FGGY: variants seen among roughly 807,000 people sequenced by gnomAD.
FGGY encodes FGGY carbohydrate kinase domain containing.
FGGY carries 72 observed loss-of-function variants against 71.3 expected under a neutral mutation model. The observed-to-expected ratio is 1.01, with a 90% CI of 0.84 to 1.23. FGGY has a LOEUF of 1.23. Ranked by LOEUF, FGGY falls within the 50% of genes most tolerant of loss-of-function variation. FGGY has a pLI of 0.00. For synonymous variants in FGGY, 251 were observed against 250.3 expected (o/e 1.00, Z -0.02); for missense variants, 668 against 682.3 (o/e 0.98, Z 0.23).
At chr1:59,298,798 C>T (rs1234933962) in intron 1 of FGGY, among the ~76,000 whole-genome samples, 1 of 152,174 alleles carries the variant, frequency 6.6e-6, no homozygotes, top group Non-Finnish European at 1.5e-5. Context: ...AGATCACTTA[C>T]CTTCTCACCC....
chr1:59,493,206 G>T (rs1448810409), intron 6 of FGGY, among the ~76,000 whole-genome samples: 1 of 151,898 alleles, frequency 6.6e-6, no homozygotes, highest in African/African-American at 2.4e-5. Flanking sequence ...ATGTAAAATG[G>T]TGTGGCTGCT....
chr1:59,588,483 A>G (rs996783649), intron 8 of FGGY, among the ~76,000 whole-genome samples: 1 of 152,182 alleles, frequency 6.6e-6, no homozygotes, highest in African/African-American at 2.4e-5. Flanking sequence ...ACTCCAAGAC[A>G]CATAATTGTC....
At chr1:59,567,914 C>G (rs2095903107) in intron 8 of FGGY, among the ~76,000 whole-genome samples, 1 of 151,004 alleles carries the variant, frequency 6.6e-6, no homozygotes, top group Non-Finnish European at 1.5e-5. Context: ...TTGCCCCTGT[C>G]TACCTCTGAT....
intron 4 of FGGY, among the ~76,000 whole-genome samples, chr1:59,373,751 C>T (rs1234431001): frequency 6.6e-5 from 10 of 151,344 alleles, no homozygotes; most frequent in South Asian, 4.2e-4. Context: ...GAAATAACGC[C>T]GCATATCTAC....
intron 14 of FGGY, among the ~76,000 whole-genome samples, chr1:59,710,965 C>T (rs189329337): frequency 8.5e-5 from 13 of 152,240 alleles, no homozygotes; most frequent in Admixed American, 8.5e-4. Flanking sequence ...GATTATAAAT[C>T]ATTCTACTAC....
intron 7 of FGGY, among the ~76,000 whole-genome samples, chr1:59,534,257 G>C (rs1458671197): frequency 6.6e-6 from 1 of 152,108 alleles, no homozygotes; most frequent in East Asian, 1.9e-4. Context: ...TGAATGAAAT[G>C]AAGTGAGAAG....
At chr1:59,461,255 C>T (rs558495861) in intron 6 of FGGY, among the ~76,000 whole-genome samples, 6 of 152,266 alleles carry the variant, frequency 3.9e-5, no homozygotes. Flanking sequence ...AACCATGGCA[C>T]AAGAACTACG....
At chr1:59,532,086 A>G (rs1048084301) in intron 7 of FGGY, among the ~76,000 whole-genome samples, 1 of 152,212 alleles carries the variant, frequency 6.6e-6, no homozygotes, top group Admixed American at 6.5e-5. Flanking sequence ...TTTGACATGA[A>G]CTCTAACATA....
intron 5 of FGGY, among the ~76,000 whole-genome samples, chr1:59,439,980 A>G (rs2069388060): frequency 6.6e-6 from 1 of 152,062 alleles, no homozygotes; most frequent in African/African-American, 2.4e-5. Flanking sequence ...TGTGACCTCA[A>G]ATGATATGTG....
intron 14 of FGGY, among the ~76,000 whole-genome samples, chr1:59,743,533 G>A (rs1430631427): frequency 1.3e-5 from 2 of 151,842 alleles, no homozygotes; most frequent in Non-Finnish European, 2.9e-5. Flanking sequence ...AAGAAAGGAA[G>A]CAACTTATTC....
intron 14 of FGGY, among the ~76,000 whole-genome samples, chr1:59,689,570 AC>A (rs1022216814): frequency 1.4e-4 from 22 of 152,210 alleles, no homozygotes; most frequent in South Asian, 4.1e-4. Flanking sequence ...AAAAAAAAAA[AC>A]GTTAAGTCCT....
At chr1:59,543,442 A>C (rs1211603742) in intron 7 of FGGY, among the ~76,000 whole-genome samples, 1 of 152,200 alleles carries the variant, frequency 6.6e-6, no homozygotes, top group East Asian at 1.9e-4. Flanking sequence ...AGGATAAATT[A>C]ATCAGTCTAG....
chr1:59,641,856 C>CCTT (rs2097032026), intron 11 of FGGY, among the ~76,000 whole-genome samples: 1 of 152,182 alleles, frequency 6.6e-6, no homozygotes, highest in African/African-American at 2.4e-5. Flanking sequence ...GACCTCGCCA[C>CCTT]CTTCTGCTCC....
rs572337324 is a variant in FGGY, at chr1:59,685,058, C to A, written c.1512+10925C>A. Among the ~76,000 whole-genome samples, 3 of 152,340 alleles carry A rather than the reference C, an allele frequency of 2.0e-5. No individual in the cohort carries two copies. The South Asian group carries it at 6.2e-4, about 32-fold the overall frequency. ...CTAAGGTCATCTAGATGGTTAGTGG[C>A]AGAACGATGGTTTAAACTCAAGTGG... is the stretch of plus-strand genomic sequence containing the variant. On this transcript the variant is annotated intron_variant, in intron 14 of 15. Coordinates refer to ENST00000303721, the MANE Select transcript of FGGY (RefSeq NM_018291.5).
At chr1:59,658,877 TGTACAAAA>T (rs1227209298) in intron 11 of FGGY, among the ~76,000 whole-genome samples, 1 of 152,154 alleles carries the variant, frequency 6.6e-6, no homozygotes, top group Non-Finnish European at 1.5e-5. Context: ...GGAGATCAAA[TGTACAAAA>T]CTTTGAGACT....
rs550202951 is a variant in FGGY, at chr1:59,552,958, A to T, written c.800-1166A>T. 6.6e-5 allele frequency among the ~76,000 whole-genome samples: 10 copies of T among 152,264 alleles called. No homozygotes were observed. The South Asian group carries it at 2.1e-3, about 32-fold the overall frequency. On this transcript the variant is annotated intron_variant, in intron 7 of 15. Coordinates refer to ENST00000303721, the MANE Select transcript of FGGY (RefSeq NM_018291.5). ...GATATATGATGTTTTAAAATTACCC[A>T]TGTCTTTTGTGCTAGGGAAGTCCAT...
Position 59,596,077 on chromosome 1 carries a change from G to T in FGGY, c.904-11726G>T, listed in dbSNP as rs116516487. 3.8e-3 allele frequency among the ~76,000 whole-genome samples: 579 copies of T among 152,158 alleles called. 2 individuals carry two copies. The highest frequency in any genetic ancestry group is 0.013 in the African/African-American group (539 of 41,520). ...GTACAGGCAGAGGTTAAGCCCTCCC[G>T]GATCCACTTTCCCTCTGAGGGCTCT... is the stretch of plus-strand genomic sequence containing the variant. On this transcript the variant is annotated intron_variant, in intron 8 of 15. Coordinates refer to ENST00000303721, the MANE Select transcript of FGGY (RefSeq NM_018291.5).
chr1:59,634,751 G>T (rs1428461792), intron 10 of FGGY, among the ~76,000 whole-genome samples: 1 of 152,092 alleles, frequency 6.6e-6, no homozygotes, highest in Non-Finnish European at 1.5e-5. Context: ...ACTATTTATT[G>T]ATAAACCTGT....
chr1:59,745,228 A>G (rs571395067), intron 14 of FGGY, among the ~76,000 whole-genome samples: 2 of 152,306 alleles, frequency 1.3e-5, no homozygotes, highest in South Asian at 4.1e-4. Context: ...CTAGGCCAGA[A>G]TATCTAGGCC....
Sources: allele counts gnomAD v4.1 joint callset (sites outside exome capture counted in the v4.1 genomes callset), GRCh38; gene constraint gnomAD v4.1.1; transcripts MANE v1.5; gene names NCBI Gene and HGNC (gene_info 2026-07-23, HGNC 2026-07-21).